Variants in MGMT observed in about 807,000 individuals in gnomAD.
MGMT encodes the protein O-6-methylguanine-DNA methyltransferase, also known as methylated-DNA--protein-cysteine methyltransferase.
A neutral mutation model predicts 15.9 loss-of-function variants in MGMT; 14 were observed. That is an observed-to-expected ratio of 0.88 (90% CI 0.58 to 1.37). The LOEUF (loss-of-function observed/expected upper bound fraction) is 1.37, where lower values mean the gene tolerates loss of function less well. Among genes scored for constraint, MGMT ranks in the 40% most tolerant of loss-of-function variants. The pLI, the probability that MGMT is intolerant of heterozygous loss-of-function variation, is 0.00. For missense variants in MGMT, 282 were observed against 268.1 expected (o/e 1.05, Z -0.36); for synonymous variants, 130 against 118.2 (o/e 1.10, Z -0.65).
At chr10:129,492,917 C>G (rs1334040798) in intron 1 of MGMT, among the ~76,000 whole-genome samples, 2 of 152,198 alleles carry the variant, frequency 1.3e-5, no homozygotes, top group Non-Finnish European at 2.9e-5. Flanking sequence ...TCTGCTTTCT[C>G]CTTGGTCATG....
At chr10:129,478,233 ATTTTT>A (rs11331521) in intron 1 of MGMT, among the ~76,000 whole-genome samples, 3,585 of 152,102 alleles carry the variant, frequency 0.024, 137 homozygotes, top group African/African-American at 0.08. Flanking sequence ...TGGTTGGTTG[ATTTTT>A]TCCCCCCCTC....
chr10:129,677,126 T>C (rs1457395473), intron 2 of MGMT, among the ~76,000 whole-genome samples: 2 of 152,168 alleles, frequency 1.3e-5, no homozygotes, highest in East Asian at 1.9e-4. Flanking sequence ...TGACAGGCCC[T>C]TGTGCTGAAG....
chr10:129,610,923 G>C (rs868812903), intron 2 of MGMT, among the ~76,000 whole-genome samples: 4 of 152,146 alleles, frequency 2.6e-5, no homozygotes, highest in Non-Finnish European at 5.9e-5. Context: ...GTATGTTCTC[G>C]TGAGATACTT....
chr10:129,757,798 A>G (rs1268971945), intron 3 of MGMT, among the ~76,000 whole-genome samples: 1 of 152,216 alleles, frequency 6.6e-6, no homozygotes, highest in Non-Finnish European at 1.5e-5. Flanking sequence ...GTGCTAATGA[A>G]CCCAAAGCTG....
chr10:129,501,044 G>A (rs1038944015), intron 1 of MGMT, among the ~76,000 whole-genome samples: 25 of 152,228 alleles, frequency 1.6e-4, no homozygotes, highest in African/African-American at 5.8e-4. Context: ...GACGGGGTCA[G>A]TCACTTCCTG....
intron 1 of MGMT, among the ~76,000 whole-genome samples, chr10:129,530,810 C>G (rs1845922554): frequency 6.6e-6 from 1 of 152,260 alleles, no homozygotes; most frequent in Admixed American, 6.5e-5. Context: ...TCCCCCAGCT[C>G]TCGTGGCGGG....
intron 3 of MGMT, among the ~76,000 whole-genome samples, chr10:129,721,248 T>C (rs10829622): frequency 0.25 from 37,544 of 152,306 alleles, 4,950 homozygotes; most frequent in Middle Eastern, 0.41. Context: ...AAACTAATGA[T>C]GTTACAGATA....
At position 129,588,262 on chromosome 10, in the gene MGMT, T is replaced by G. The variant is rs751149451; in HGVS notation, c.125+51885T>G. ...CTCAGTTGCAGCTGACATTTTGGTTTCACCCGGAGAAACCCTTAGCAGAGG... is the reference window on the plus strand; with the variant it reads ...CTCAGTTGCAGCTGACATTTTGGTTGCACCCGGAGAAACCCTTAGCAGAGG... On this transcript the variant is annotated intron_variant, in intron 2 of 4. Transcript: ENST00000651593. Among the ~76,000 whole-genome samples, 3 of 152,162 alleles carry G rather than the reference T, an allele frequency of 2.0e-5. 1 individual carries two copies. In the South Asian group the frequency reaches 6.2e-4, roughly 32 times the overall value.
At position 129,504,790 on chromosome 10, in the gene MGMT, C is replaced by A. The variant is rs533115012; in HGVS notation, c.-12-31451C>A. ...CCTGAGATTTTGGTTCCCACTGTTG[C>A]CTGGGAATCCATTTCCAAATGAGTG... On this transcript the variant is annotated intron_variant, in intron 1 of 4. Transcript: ENST00000651593. Among the ~76,000 whole-genome samples, 3 of 152,264 alleles carry A rather than the reference C, an allele frequency of 2.0e-5. No homozygotes were observed. The East Asian group carries it at 5.8e-4, about 29-fold the overall frequency.
At chr10:129,541,341 C>T (rs144411323) in intron 2 of MGMT, among the ~76,000 whole-genome samples, 2 of 152,376 alleles carry the variant, frequency 1.3e-5, no homozygotes, top group African/African-American at 2.4e-5. Context: ...AATGCCATCA[C>T]GTCCAGGAGC....
intron 2 of MGMT, among the ~76,000 whole-genome samples, chr10:129,706,155 T>C (rs1179879282): frequency 6.6e-6 from 1 of 152,160 alleles, no homozygotes; most frequent in Non-Finnish European, 1.5e-5. Flanking sequence ...ACACGCACAG[T>C]CCTTGCCCAC....
intron 3 of MGMT, among the ~76,000 whole-genome samples, chr10:129,723,050 G>A (rs1848391591): frequency 6.8e-6 from 1 of 147,608 alleles, no homozygotes; most frequent in Non-Finnish European, 1.5e-5. Context: ...AACTAATGGT[G>A]CTGAGCAACT....
intron 2 of MGMT, among the ~76,000 whole-genome samples, chr10:129,624,317 T>C (rs1204265829): frequency 1.3e-5 from 2 of 152,090 alleles, no homozygotes; most frequent in African/African-American, 4.8e-5. Flanking sequence ...GCTTTGGGAG[T>C]GGGGCCCACT....
At chr10:129,666,014 A>G (rs1322366022) in intron 2 of MGMT, among the ~76,000 whole-genome samples, 1 of 152,214 alleles carries the variant, frequency 6.6e-6, no homozygotes, top group Non-Finnish European at 1.5e-5. Context: ...TTCTTAGGAA[A>G]TAAGATGTGT....
chr10:129,741,543 G>A (rs901013495), intron 3 of MGMT, among the ~76,000 whole-genome samples: 6 of 152,156 alleles, frequency 3.9e-5, no homozygotes, highest in African/African-American at 1.2e-4. Flanking sequence ...CTGTGTGGTC[G>A]GCCTTGATGT....
chr10:129,710,267 C>G (rs985295137), intron 3 of MGMT, among the ~76,000 whole-genome samples: 1 of 152,220 alleles, frequency 6.6e-6, no homozygotes, highest in African/African-American at 2.4e-5. Context: ...CCCTACAGTG[C>G]GGGTGGATAC....
At chr10:129,660,217 A>G (rs1364934039) in intron 2 of MGMT, among the ~76,000 whole-genome samples, 1 of 151,922 alleles carries the variant, frequency 6.6e-6, no homozygotes, top group East Asian at 1.9e-4. Context: ...CATTTCCCAG[A>G]ACACGTGCTG....
intron 1 of MGMT, among the ~76,000 whole-genome samples, chr10:129,497,880 T>C (rs1845538576): frequency 6.6e-6 from 1 of 152,186 alleles, no homozygotes; most frequent in African/African-American, 2.4e-5. Context: ...AGGGCCCTTA[T>C]CAGACACGGG....
intron 2 of MGMT, among the ~76,000 whole-genome samples, chr10:129,613,356 T>C (rs569235): frequency 0.42 from 64,336 of 152,118 alleles, 14,503 homozygotes; most frequent in East Asian, 0.64. Flanking sequence ...TGCCTGTGAT[T>C]TGAATATCAC....
Sources: gnomAD v4.1 joint callset for allele counts (sites outside exome capture counted in the v4.1 genomes callset) on GRCh38, gnomAD v4.1.1 for gene constraint, MANE v1.5 for transcripts, NCBI Gene and HGNC (gene_info 2026-07-23, HGNC 2026-07-21) for gene names.